WASHC2A: variants seen among roughly 807,000 people sequenced by gnomAD.
WASHC2A encodes WASH complex subunit FAM21A.
A neutral mutation model predicts 140.3 loss-of-function variants in WASHC2A; 82 were observed. The observed-to-expected ratio is 0.58, with a 90% CI of 0.49 to 0.70. The LOEUF is 0.70. WASHC2A is among the 30% of genes least tolerant of loss of function. The pLI, the probability that WASHC2A is intolerant of heterozygous loss-of-function variation, is 0.00. For synonymous variants in WASHC2A, 340 were observed against 560.8 expected (o/e 0.61, Z 5.56); for missense variants, 985 against 1,521.8 (o/e 0.65, Z 5.87).
chr10:50,092,523 G>C lies in WASHC2A; in HGVS notation c.1003+290G>C, dbSNP rs1236683472. On this transcript the variant is annotated intron_variant, in intron 11 of 30. Coordinates refer to ENST00000282633, the MANE Select transcript of WASHC2A (RefSeq NM_001005751.3). ...ATACAAAAAATTAGCTTGGCATGGT[G>C]GTGGGTGCCTGTTGTCCCAGCTACT... Among the ~76,000 whole-genome samples, 863 of 152,092 alleles carry C rather than the reference G, an allele frequency of 5.7e-3. 9 individuals carry two copies. The highest frequency in any genetic ancestry group is 0.056 in the East Asian group (285 of 5,134).
intron 19 of WASHC2A, 52 bp from the exon 20 acceptor site, chr10:50,110,049 T>C (rs1842146494): frequency 1.1e-5 from 17 of 1,505,684 alleles, no homozygotes; most frequent in South Asian, 1.1e-4. Flanking sequence ...GGATTATAGG[T>C]ATGAGCCACT....
intron 3 of WASHC2A, among the ~76,000 whole-genome samples, chr10:50,070,110 A>C (rs1837669675): frequency 6.6e-6 from 1 of 152,170 alleles, no homozygotes; most frequent in Admixed American, 6.5e-5. Flanking sequence ...CTGATAAATT[A>C]TATTCAGGGG....
At chr10:50,072,404 A>G (rs1414529897) in intron 3 of WASHC2A, among the ~76,000 whole-genome samples, 6 of 151,626 alleles carry the variant, frequency 4.0e-5, no homozygotes, top group Non-Finnish European at 8.8e-5. Context: ...AAAGCATGAT[A>G]ATACTGAGAA....
chr10:50,086,334 G>A (rs1490627105), intron 7 of WASHC2A, among the ~76,000 whole-genome samples: 1 of 151,120 alleles, frequency 6.6e-6, no homozygotes, highest in African/African-American at 2.4e-5. Context: ...CTCATTAGGG[G>A]AATCCCTTGC....
At position 50,110,190 on chromosome 10, in the gene WASHC2A, C is replaced by G; in HGVS notation, c.1959C>G (p.Ser653Arg). 1 of 1,611,616 alleles carries G rather than the reference C, an allele frequency of 6.2e-7. No homozygotes were observed. ...GEPRDSGTLQ[S>R]QEAKAVKKTS... The stretch of plus-strand genomic sequence containing the variant: ...CCAGGGATTCTGGGACCCTCCAGAG[C>G]CAGGAGGCCAAGGCTGTGAAAAAGA... The change falls in exon 20 of 31, where the codon AGC (serine) becomes AGG (arginine). Residue 653 changes from serine to arginine, a missense_variant. Coordinates refer to ENST00000282633, the MANE Select transcript of WASHC2A (RefSeq NM_001005751.3).
At chr10:50,090,534 A>C (rs1253997549) in intron 8 of WASHC2A, among the ~76,000 whole-genome samples, 18 of 142,152 alleles carry the variant, frequency 1.3e-4, no homozygotes, top group Non-Finnish European at 2.6e-4. Context: ...ATATATATTT[A>C]TATTTATATA....
chr10:50,078,805 A>G, intron 4 of WASHC2A, 68 bp downstream of exon 4: 2 of 1,507,400 alleles, frequency 1.3e-6, no homozygotes, highest in Non-Finnish European at 1.8e-6. Context: ...TCGATGTGTT[A>G]TGTGGGAACT....
At chr10:50,078,469 CTT>C (rs1218052955) in intron 3 of WASHC2A, among the ~76,000 whole-genome samples, 2 of 145,856 alleles carry the variant, frequency 1.4e-5, no homozygotes, top group Non-Finnish European at 1.5e-5. Flanking sequence ...TAAAAATTTT[CTT>C]TTTTTTTTTG....
At chr10:50,074,690 G>A (rs1471908532) in intron 3 of WASHC2A, among the ~76,000 whole-genome samples, 1 of 152,042 alleles carries the variant, frequency 6.6e-6, no homozygotes, top group Non-Finnish European at 1.5e-5. Context: ...CGAGGTGGGC[G>A]GATCACGAGG....
intron 8 of WASHC2A, among the ~76,000 whole-genome samples, chr10:50,089,042 A>G (rs2805151): frequency 6.8e-6 from 1 of 147,856 alleles, no homozygotes; most frequent in Non-Finnish European, 1.5e-5. Flanking sequence ...TTGGTTCACT[A>G]CAACCTCCAC....
At chr10:50,121,114 A>C (rs1487578888) in intron 23 of WASHC2A, among the ~76,000 whole-genome samples, 1 of 149,600 alleles carries the variant, frequency 6.7e-6, no homozygotes, top group Non-Finnish European at 1.5e-5. Context: ...GGTAATTCTA[A>C]TCAACCTTGT....
At chr10:50,130,787 C>T (rs1164564583) in intron 29 of WASHC2A, 114 bp from the exon 30 acceptor site, 507,905 of 1,515,994 alleles carry the variant, frequency 0.34, 88,409 homozygotes, top group Admixed American at 0.44. Flanking sequence ...TGGGCAGTCT[C>T]GAGGCTGTTC....
chr10:50,069,859 T>G lies in WASHC2A; in HGVS notation c.291+148T>G, dbSNP rs1589134161. ...TTTTTTCTCTGGGATTAATACCTCT[T>G]TTTTATTTGTAAAGTTTTAAGTCCT... On this transcript the variant is annotated intron_variant, in intron 3 of 30. Transcript: ENST00000282633. 6.0e-6 allele frequency: 6 copies of G among 1,005,704 alleles called. No homozygotes were observed. The East Asian group carries it at 1.6e-4, about 28-fold the overall frequency. 62.3% of individuals were successfully genotyped at this position (1,005,704 alleles called of 1,614,324 possible).
At chr10:50,126,348 T>G (rs1428713741) in intron 26 of WASHC2A, 169 bp downstream of exon 26, 3 of 1,142,430 alleles carry the variant, frequency 2.6e-6, no homozygotes, top group Non-Finnish European at 3.7e-6. Flanking sequence ...TCCCCTCTCC[T>G]CGCTCCACAC....
At chr10:50,073,114 C>G (rs1554876816) in intron 3 of WASHC2A, among the ~76,000 whole-genome samples, 1 of 152,052 alleles carries the variant, frequency 6.6e-6, no homozygotes, top group East Asian at 1.9e-4. Flanking sequence ...GTTCTAGTGT[C>G]TAATTAGAAG....
At chr10:50,071,104 T>A (rs1417594749) in intron 3 of WASHC2A, among the ~76,000 whole-genome samples, 1 of 120,960 alleles carries the variant, frequency 8.3e-6, no homozygotes, top group Non-Finnish European at 1.8e-5. Context: ...CCATGCTTGG[T>A]CCTGACTATC....
At chr10:50,072,254 G>C (rs1444021286) in intron 3 of WASHC2A, among the ~76,000 whole-genome samples, 1 of 150,192 alleles carries the variant, frequency 6.7e-6, no homozygotes, top group African/African-American at 2.5e-5. Flanking sequence ...TCGGCCCTTA[G>C]TGTTAAGTCT....
chr10:50,083,554 C>CTT (rs1206903936), intron 5 of WASHC2A, among the ~76,000 whole-genome samples: 29 of 83,686 alleles, frequency 3.5e-4, no homozygotes, highest in Non-Finnish European at 4.7e-4. Context: ...ACTTTGGTAT[C>CTT]TTTTTTTTTT....
chr10:50,090,772 T>G lies in WASHC2A; in HGVS notation c.733-4T>G. The G allele has an allele frequency of 6.2e-7, 1 of 1,610,386 alleles. No individual in the cohort carries two copies. Among genetic ancestry groups the G allele is most frequent in the Non-Finnish European group, 8.5e-7 (1 of 1,179,428 alleles). On this transcript the variant is annotated splice_region_variant and splice_polypyrimidine_tract_variant and intron_variant, in intron 8 of 30. Coordinates refer to ENST00000282633, the MANE Select transcript of WASHC2A (RefSeq NM_001005751.3). ...AGTTCTAATTTGGTATTTTATACTC[T>G]TAGCACACCACACAAATGAGTGATG...
Sources: gnomAD v4.1 joint callset for allele counts (sites outside exome capture counted in the v4.1 genomes callset) on GRCh38, gnomAD v4.1.1 for gene constraint, MANE v1.5 for transcripts, NCBI Gene and HGNC (gene_info 2026-07-23, HGNC 2026-07-21) for gene names.